COL4A3: variants seen among roughly 807,000 people sequenced by gnomAD.
The protein encoded by COL4A3 is collagen alpha-3(IV) chain.
COL4A3 carries 135 observed loss-of-function variants against 217.4 expected under a neutral mutation model. The ratio of observed to expected loss-of-function variants is 0.62; its 90% CI spans 0.54 to 0.72. The LOEUF (loss-of-function observed/expected upper bound fraction) is 0.72. Among genes scored for constraint, COL4A3 ranks in the 30% least tolerant of loss-of-function variants. The pLI is 0.00. For synonymous variants in COL4A3, 690 were observed against 736.3 expected (o/e 0.94, Z 1.02); for missense variants, 1,868 against 2,119.9 (o/e 0.88, Z 2.33).
At chr2:227,289,533 G>A (rs1373802365) in intron 35 of COL4A3, among the ~76,000 whole-genome samples, 1 of 152,194 alleles carries the variant, frequency 6.6e-6, no homozygotes, top group Non-Finnish European at 1.5e-5. Context: ...ACATATCAGA[G>A]ATGAAAATTA....
chr2:227,167,462 G>A (rs1054776777), intron 1 of COL4A3, among the ~76,000 whole-genome samples: 1 of 152,238 alleles, frequency 6.6e-6, no homozygotes, highest in African/African-American at 2.4e-5. Context: ...GCGGCACCTT[G>A]TTGTTGTCTC....
In COL4A3 at chr2:227,254,675, A is replaced by G. The variant is rs1236660987; in HGVS notation, c.848A>G (p.Tyr283Cys). The change falls in exon 15 of 52, where the codon TAT (tyrosine) becomes TGT (cysteine). Residue 283 changes from tyrosine to cysteine, a missense_variant. Coordinates refer to ENST00000396578, the MANE Select transcript of COL4A3 (RefSeq NM_000091.5). ...PGPSGLPGES[Y>C]GSEKGAPGDP... The stretch of plus-strand genomic sequence containing the variant: ...ATACAGGGACTGCCTGGAGAATCAT[A>G]TGGATCTGAAAAGGGTGCTCCTGGA... 1 of 1,613,094 alleles carries G rather than the reference A, an allele frequency of 6.2e-7. No individual in the cohort carries two copies.
Position 227,253,648 on chromosome 2 carries a change from C to A in COL4A3, c.765+10C>A, listed in dbSNP as rs889261148. ...CCCAGATAACAGAACGGTAACTCTG[C>A]GATTTTATGATTAGTGTTGTGCCTT... On this transcript the variant is annotated intron_variant, in intron 13 of 51. Coordinates refer to ENST00000396578, the MANE Select transcript of COL4A3 (RefSeq NM_000091.5). The surrounding 1 kb of genome is among the most constrained non-coding windows in gnomAD (Gnocchi z 4.4). 6.2e-7 allele frequency: 1 copy of A among 1,609,880 alleles called. No individual in the cohort carries two copies. Among genetic ancestry groups the A allele is most frequent in the African/African-American group, 1.3e-5 (1 of 74,870 alleles).
At chr2:227,285,277 TAAAAAAAAAAAAAA>T (rs764697409) in intron 34 of COL4A3, among the ~76,000 whole-genome samples, 3 of 72,374 alleles carry the variant, frequency 4.1e-5, no homozygotes, top group African/African-American at 1.1e-4. Context: ...CTGCCAAACC[TAAAAAAAAAAAAAA>T]AAAAAAAAAA....
At chr2:227,178,653 C>A (rs570262369) in intron 1 of COL4A3, among the ~76,000 whole-genome samples, 2 of 152,088 alleles carry the variant, frequency 1.3e-5, no homozygotes, top group East Asian at 3.9e-4. Context: ...ATGCCTTAGC[C>A]TCCTGAGTAG....
chr2:227,307,401 A>C (rs1176357526), intron 47 of COL4A3, among the ~76,000 whole-genome samples: 1 of 152,226 alleles, frequency 6.6e-6, no homozygotes, highest in Middle Eastern at 3.2e-3. Context: ...TTTATTCATA[A>C]AAAACATACA....
At position 227,247,558 on chromosome 2, in the gene COL4A3, G is replaced by C; in HGVS notation, c.442G>C (p.Gly148Arg). The C allele has an allele frequency of 6.2e-7, 1 of 1,613,952 alleles. No individual in the cohort carries two copies. Among genetic ancestry groups the C allele is most frequent in the Non-Finnish European group, 8.5e-7 (1 of 1,179,942 alleles). ...PGTLGYPGIP[G>R]AAGLKGQKGA... ...TGTTCATAGGTTGCTTTTTTCCTAGGGTGCTGCTGGTTTGAAAGGACAAAA... is the reference window on the plus strand; with the variant it reads ...TGTTCATAGGTTGCTTTTTTCCTAGCGTGCTGCTGGTTTGAAAGGACAAAA... Residue 148 changes from glycine to arginine, a missense_variant and splice_region_variant, in exon 8 of 52, where the codon GGT (glycine) becomes CGT (arginine). Coordinates refer to ENST00000396578, the MANE Select transcript of COL4A3 (RefSeq NM_000091.5).
intron 1 of COL4A3, among the ~76,000 whole-genome samples, chr2:227,198,233 C>T (rs893287815): frequency 2.3e-4 from 35 of 152,136 alleles, no homozygotes; most frequent in African/African-American, 6.8e-4. Context: ...TGTAACCACT[C>T]GTGCCATTGA....
chr2:227,179,989 G>T (rs1416741140), intron 1 of COL4A3, among the ~76,000 whole-genome samples: 1 of 152,140 alleles, frequency 6.6e-6, no homozygotes, highest in African/African-American at 2.4e-5. Flanking sequence ...GATTTCAGTG[G>T]CTTGAAAACA....
In COL4A3 at chr2:227,253,051, C is replaced by G. The variant is rs1463870153; in HGVS notation, c.646-245C>G. On this transcript the variant is annotated intron_variant, in intron 11 of 51. Coordinates refer to ENST00000396578, the MANE Select transcript of COL4A3 (RefSeq NM_000091.5). This position sits in a 1 kb window ranked among gnomAD's most constrained non-coding sequence, Gnocchi z 4.4. ...TCTGAGCTGGGCTCCTTTCCCTCCC[C>G]CACACCACTGCATGTCAGCATTTGC... Among the ~76,000 whole-genome samples, 2 of 152,316 alleles carry G rather than the reference C, an allele frequency of 1.3e-5. No individual in the cohort carries two copies. The highest frequency in any genetic ancestry group is 3.9e-4 in the East Asian group (2 of 5,186).
At chr2:227,284,089 C>G (rs772707207) in intron 33 of COL4A3, 122 bp from the exon 34 acceptor site, 3 of 1,354,870 alleles carry the variant, frequency 2.2e-6, no homozygotes, top group Non-Finnish European at 3.1e-6. Flanking sequence ...TTATCAAGTT[C>G]TCAGCACTGT....
chr2:227,208,613 T>C (rs375661000), intron 1 of COL4A3, among the ~76,000 whole-genome samples: 3 of 152,272 alleles, frequency 2.0e-5, no homozygotes, highest in African/African-American at 4.8e-5. Context: ...GATCCCCAAA[T>C]GTTCGGGGAG....
intron 46 of COL4A3, 72 bp downstream of exon 46, chr2:227,304,216 A>T: frequency 6.3e-7 from 1 of 1,581,232 alleles, no homozygotes; most frequent in Non-Finnish European, 8.7e-7. Context: ...ACTGCTTTGG[A>T]AACAGCTGAT....
chr2:227,197,838 A>T (rs933829055), intron 1 of COL4A3, among the ~76,000 whole-genome samples: 5 of 152,200 alleles, frequency 3.3e-5, no homozygotes, highest in Non-Finnish European at 5.9e-5. Context: ...TACAACAATT[A>T]TCTCATTTCA....
chr2:227,232,332 T>C (rs2068452429), intron 1 of COL4A3, among the ~76,000 whole-genome samples: 1 of 152,230 alleles, frequency 6.6e-6, no homozygotes, highest in Non-Finnish European at 1.5e-5. Context: ...ACAACAAACA[T>C]GGGAGTGCAG....
intron 1 of COL4A3, among the ~76,000 whole-genome samples, chr2:227,202,982 CATATGTGTAT>C (rs1334743881): frequency 0.058 from 335 of 5,812 alleles, 62 homozygotes; most frequent in South Asian, 0.1. Flanking sequence ...TGTATATATA[CATATGTGTAT>C]ATATGTGTAT....
chr2:227,294,624 C>A (rs1376280994), intron 39 of COL4A3, 54 bp downstream of exon 39: 2 of 1,308,150 alleles, frequency 1.5e-6, no homozygotes, highest in South Asian at 2.4e-5. Context: ...CACATTTTCT[C>A]CTGAGGTTTG....
chr2:227,223,170 G>A (rs2067903994), intron 1 of COL4A3, among the ~76,000 whole-genome samples: 1 of 152,122 alleles, frequency 6.6e-6, no homozygotes, highest in Non-Finnish European at 1.5e-5. Context: ...GCCCCTGCAA[G>A]CTGCTTGTTT....
At chr2:227,302,428 G>T (rs2073325000) in intron 43 of COL4A3, among the ~76,000 whole-genome samples, 1 of 152,092 alleles carries the variant, frequency 6.6e-6, no homozygotes, top group South Asian at 2.1e-4. Flanking sequence ...TATAATCCCA[G>T]CACTTTGGGA....
Sources: gnomAD v4.1 joint callset for allele counts (sites outside exome capture counted in the v4.1 genomes callset) on GRCh38, gnomAD v4.1.1 for gene constraint, Gnocchi (gnomAD v3.1) non-coding constraint, MANE v1.5 for transcripts, NCBI Gene and HGNC (gene_info 2026-07-23, HGNC 2026-07-21) for gene names.